B4GALNT3: variants seen among roughly 807,000 people sequenced by gnomAD.
B4GALNT3 encodes beta-1,4-N-acetylgalactosaminyltransferase 3.
Under a neutral mutation model 120.2 loss-of-function variants are expected in B4GALNT3, and 86 were observed. The observed-to-expected ratio is 0.72, with a 90% CI of 0.60 to 0.86. The LOEUF is 0.86. B4GALNT3 is among the 40% of genes least tolerant of loss of function. B4GALNT3 has a pLI of 0.00. For synonymous variants in B4GALNT3, 518 were observed against 510.4 expected (o/e 1.01, Z -0.20); for missense variants, 1,167 against 1,298.9 (o/e 0.90, Z 1.56).
rs757422478 is a variant in B4GALNT3, at chr12:548,073, G to A, written c.757G>A (p.Glu253Lys). The change falls in exon 8 of 20, where the codon GAG (glutamate) becomes AAG (lysine). Residue 253 changes from glutamate (E) to lysine (K), a missense_variant. Glu to Lys is a moderately conservative substitution (Grantham distance 56). This residue lies in a region of B4GALNT3 where 983 missense variants were observed against 1,102.5 expected (regional missense o/e 0.89). Transcript: ENST00000266383. This position sits in a 1 kb window ranked among gnomAD's most constrained non-coding sequence, Gnocchi z 4.9. Reference protein sequence around the residue: ...YYFEVLHKQNEEGTDHVEVAW... With the variant: ...YYFEVLHKQNKEGTDHVEVAW... ...CTTCGAGGTGCTGCACAAGCAGAAT[G>A]AGGAGGGCACCGACCACGTGGAAGT... The A allele has an allele frequency of 3.0e-5, 49 of 1,613,908 alleles. 1 individual carries two copies. In the South Asian group the frequency reaches 5.4e-4, roughly 18 times the overall value.
intron 1 of B4GALNT3, among the ~76,000 whole-genome samples, chr12:504,463 G>A (rs1265793918): frequency 4.6e-5 from 5 of 107,718 alleles, no homozygotes; most frequent in Non-Finnish European, 7.4e-5. Flanking sequence ...CCCCGCCCCC[G>A]AACTCTTTTT....
At chr12:559,473 C>T (rs1172225710) in intron 19 of B4GALNT3, 52 bp downstream of exon 19, 1 of 1,604,508 alleles carries the variant, frequency 6.2e-7, no homozygotes, top group African/African-American at 1.3e-5. Context: ...CATGGCGCTC[C>T]AGGCAGGGAG....
At chr12:544,306 C>T (rs376642806) in intron 3 of B4GALNT3, 33 bp from the exon 4 acceptor site, 388 of 1,604,054 alleles carry the variant, frequency 2.4e-4, no homozygotes, top group Non-Finnish European at 3.0e-4. Flanking sequence ...GGGGTGCTCA[C>T]GCTCACTCAC....
chr12:554,049 AG>A, intron 14 of B4GALNT3, 66 bp downstream of exon 14: 2 of 1,109,506 alleles, frequency 1.8e-6, no homozygotes, highest in Non-Finnish European at 1.3e-6. Context: ...CCTGGAAGGC[AG>A]GGGCCTAAGG....
At chr12:558,450 C>A in intron 17 of B4GALNT3, 58 bp from the exon 18 acceptor site, 1 of 1,549,170 alleles carries the variant, frequency 6.5e-7, no homozygotes, top group Non-Finnish European at 8.8e-7. Context: ...TAGACGGCGA[C>A]CTGACCTCCT....
At chr12:542,188 G>T (rs190333134) in intron 3 of B4GALNT3, among the ~76,000 whole-genome samples, 1 of 152,178 alleles carries the variant, frequency 6.6e-6, no homozygotes, top group Non-Finnish European at 1.5e-5. Context: ...GACCAGGCCA[G>T]TGTGCCCCAT....
At chr12:513,127 G>GCCTTCCACCTTCCACCTTCGA (rs1565599161) in intron 1 of B4GALNT3, among the ~76,000 whole-genome samples, 6 of 68,020 alleles carry the variant, frequency 8.8e-5, no homozygotes, top group East Asian at 7.2e-4. Flanking sequence ...TCCACCTTCC[G>GCCTTCCACCTTCCACCTTCGA]CCTTCCACCT....
In B4GALNT3 at chr12:550,984, T is replaced by C. The variant is rs1469417269; in HGVS notation, c.1060T>C (p.Tyr354His). 6.2e-7 allele frequency: 1 copy of C among 1,614,154 alleles called. No homozygotes were observed. The highest frequency in any genetic ancestry group is 8.5e-7 in the Non-Finnish European group (1 of 1,179,960). Residue 354 changes from tyrosine to histidine, a missense_variant, in exon 11 of 20, where the codon TAT (tyrosine) becomes CAT (histidine). Around this residue, in one of 3 missense-constraint regions of B4GALNT3, gnomAD observed 983 missense variants for 1,102.5 expected, o/e 0.89. Transcript: ENST00000266383. The surrounding 1 kb of genome is among the most constrained non-coding windows in gnomAD (Gnocchi z 4.1). The stretch of plus-strand genomic sequence containing the variant: ...GCCTGACTGTCCCTACAAACCCAGC[T>C]ATCTGGTGGATGGGCTTCCTCTGCA... Reference protein sequence around the residue: ...VLPDCPYKPSYLVDGLPLQRY... With the variant: ...VLPDCPYKPSHLVDGLPLQRY...
At chr12:541,212 C>T (rs1405123331) in intron 3 of B4GALNT3, among the ~76,000 whole-genome samples, 1 of 152,218 alleles carries the variant, frequency 6.6e-6, no homozygotes, top group Non-Finnish European at 1.5e-5. Context: ...GTGTGACCCA[C>T]ACCCCTGCAC....
intron 1 of B4GALNT3, among the ~76,000 whole-genome samples, chr12:487,439 G>A (rs1001283210): frequency 2.0e-4 from 30 of 152,170 alleles, no homozygotes; most frequent in African/African-American, 7.2e-4. Context: ...CTTGCCGTGT[G>A]TGGTAGCTTA....
intron 1 of B4GALNT3, among the ~76,000 whole-genome samples, chr12:511,874 C>CCTT (rs1194731435): frequency 4.9e-5 from 2 of 40,662 alleles, no homozygotes; most frequent in African/African-American, 1.2e-4. Context: ...CCACCTTCCA[C>CCTT]CTTCCACCTT....
rs1297113148 is a variant in B4GALNT3, at chr12:553,205, A to C, written c.1282A>C (p.Asn428His). ...GTTATTAATAGCAGGTTTTGAGGAA[A>C]ACCTTCTAGAAGAGTCCCAGTATGG... ...QGLEQPGFEE[N>H]LLEESQYGEV... is the part of the protein sequence containing the mutation. Residue 428 changes from asparagine (N) to histidine (H), a missense_variant, in exon 14 of 20, where the codon AAC becomes CAC. Around this residue, in one of 3 missense-constraint regions of B4GALNT3, gnomAD observed 983 missense variants for 1,102.5 expected, o/e 0.89. Transcript: ENST00000266383. 5.0e-6 allele frequency: 8 copies of C among 1,610,080 alleles called. No individual in the cohort carries two copies. The highest frequency in any genetic ancestry group is 6.8e-6 in the Non-Finnish European group (8 of 1,177,316).
At chr12:510,745 A>AG (rs1324807544) in intron 1 of B4GALNT3, among the ~76,000 whole-genome samples, 1 of 152,074 alleles carries the variant, frequency 6.6e-6, no homozygotes, top group African/African-American at 2.4e-5. Flanking sequence ...TTTGGGAAGT[A>AG]GGGAGAAGGG....
chr12:556,540 GC>G lies in B4GALNT3; in HGVS notation c.2061-5del. On this transcript the variant is annotated splice_polypyrimidine_tract_variant and splice_region_variant and intron_variant, in intron 14 of 19. Transcript: ENST00000266383. ...ACCACTCAGCCTCCCCACACTTTCT[GC>G]CATAGGAGGTACCAGCTACAGCGCA... is the stretch of plus-strand genomic sequence containing the variant. 1 of 1,607,892 alleles carries G rather than the reference GC, an allele frequency of 6.2e-7. No individual in the cohort carries two copies. Among genetic ancestry groups the G allele is most frequent in the Non-Finnish European group, 8.5e-7 (1 of 1,175,208 alleles).
intron 1 of B4GALNT3, among the ~76,000 whole-genome samples, chr12:502,833 C>A (rs1462953572): frequency 2.0e-5 from 3 of 152,210 alleles, no homozygotes; most frequent in African/African-American, 7.2e-5. Flanking sequence ...TAGCTCACTG[C>A]AGCCTTAATT....
chr12:462,119 T>C (rs954431001), intron 1 of B4GALNT3, among the ~76,000 whole-genome samples: 14 of 152,208 alleles, frequency 9.2e-5, no homozygotes, highest in East Asian at 1.9e-4. Context: ...GCCTTGTTCT[T>C]CCTTCTGAAA....
At chr12:461,670 C>T (rs144257224) in intron 1 of B4GALNT3, among the ~76,000 whole-genome samples, 79 of 152,310 alleles carry the variant, frequency 5.2e-4, no homozygotes, top group Non-Finnish European at 9.4e-4. Flanking sequence ...TCTGACCTGT[C>T]GTCGTGTCAG....
At chr12:499,787 C>T (rs565461207) in intron 1 of B4GALNT3, among the ~76,000 whole-genome samples, 2 of 152,370 alleles carry the variant, frequency 1.3e-5, no homozygotes, top group Non-Finnish European at 2.9e-5. Context: ...TTGGCTCCAG[C>T]GCTTACTTTC....
In B4GALNT3 at chr12:549,550, G is replaced by C. The variant is rs183557043; in HGVS notation, c.854-219G>C. Among the ~76,000 whole-genome samples, 12 of 152,390 alleles carry C rather than the reference G, an allele frequency of 7.9e-5. No individual in the cohort carries two copies. In the East Asian group the frequency reaches 2.3e-3, roughly 29 times the overall value. On this transcript the variant is annotated intron_variant, in intron 9 of 19. Coordinates refer to ENST00000266383, the MANE Select transcript of B4GALNT3 (RefSeq NM_173593.4). ...CTTTTTCCGAGTACGCAACACAGTC[G>C]TGTGGGTCAGCCGTGGGGCTGGCAG...
Sources: gnomAD v4.1 joint callset for allele counts (sites outside exome capture counted in the v4.1 genomes callset) on GRCh38, gnomAD v4.1.1 for gene constraint, gnomAD v4.1.1 regional missense constraint, Gnocchi (gnomAD v3.1) non-coding constraint, MANE v1.5 for transcripts, NCBI Gene and HGNC (gene_info 2026-07-23, HGNC 2026-07-21) for gene names.